The following MYLK variants were observed in gnomAD, a reference collection of about 807,000 sequenced individuals.
MYLK encodes myosin light chain kinase, smooth muscle.
A neutral mutation model predicts 203.4 loss-of-function variants in MYLK; 106 were observed. That is an observed-to-expected ratio of 0.52 (90% confidence interval 0.45 to 0.61). The LOEUF is 0.61. MYLK is among the 20% of genes least tolerant of loss of function. The pLI is 0.00. For synonymous variants in MYLK, 867 were observed against 959.5 expected (o/e 0.90, Z 1.78); for missense variants, 2,072 against 2,442.3 (o/e 0.85, Z 3.20).
At chr3:123,650,964 A>C (rs577210193) in intron 24 of MYLK, among the ~76,000 whole-genome samples, 1 of 152,266 alleles carries the variant, frequency 6.6e-6, no homozygotes, top group African/African-American at 2.4e-5. Flanking sequence ...ATGGGCCCCA[A>C]ACAGGGGTGA....
At chr3:123,658,667 C>G (rs1381941596) in intron 23 of MYLK, among the ~76,000 whole-genome samples, 1 of 152,178 alleles carries the variant, frequency 6.6e-6, no homozygotes, top group Non-Finnish European at 1.5e-5. Context: ...GTTCCTACCT[C>G]TTAGGGTTTT....
chr3:123,649,039 G>A lies in MYLK; in HGVS notation c.4347C>T (p.Tyr1449=). ...DDDEKEPEVD[Y]RTVTINTEQK... ...GTTCAGTATTGATTGTCACTGTCCG[G>A]TAATCAACCTCGGGCTCCTTCTCAT... Residue 1449 remains tyrosine, a synonymous_variant, in exon 26 of 34, where the codon TAC becomes TAT. Transcript: ENST00000360304. The A allele has an allele frequency of 1.2e-6, 2 of 1,614,186 alleles. No individual in the cohort carries two copies. Among genetic ancestry groups the A allele is most frequent in the Non-Finnish European group, 1.7e-6 (2 of 1,180,020 alleles).
intron 4 of MYLK, among the ~76,000 whole-genome samples, chr3:123,787,326 G>T (rs1430480413): frequency 6.6e-6 from 1 of 152,184 alleles, no homozygotes; most frequent in African/African-American, 2.4e-5. Context: ...AGGTGCACAG[G>T]GGTGTGGCTG....
intron 2 of MYLK, among the ~76,000 whole-genome samples, chr3:123,868,870 C>G (rs1162912916): frequency 4.6e-5 from 7 of 152,292 alleles, no homozygotes; most frequent in African/African-American, 1.7e-4. Flanking sequence ...CGTTGAATAG[C>G]TGAAATTTTG....
chr3:123,683,252 A>C (rs1490252688), intron 19 of MYLK, among the ~76,000 whole-genome samples: 1 of 118,376 alleles, frequency 8.4e-6, no homozygotes, highest in Non-Finnish European at 1.6e-5. Context: ...CTCCCTGGGC[A>C]TCCTTTTCCT....
chr3:123,831,292 G>T, intron 3 of MYLK: 1 of 1,090,710 alleles, frequency 9.2e-7, no homozygotes, highest in Non-Finnish European at 1.2e-6. Context: ...TTGTTTCCTG[G>T]CTAGTTCCAA....
chr3:123,759,560 C>T (rs937863602), intron 4 of MYLK, among the ~76,000 whole-genome samples: 7 of 152,220 alleles, frequency 4.6e-5, no homozygotes, highest in Non-Finnish European at 1.0e-4. Flanking sequence ...GGAGGAAGTG[C>T]CTCCTCCCTT....
intron 2 of MYLK, among the ~76,000 whole-genome samples, chr3:123,841,789 G>A (rs1355553811): frequency 6.6e-6 from 1 of 152,168 alleles, no homozygotes; most frequent in Non-Finnish European, 1.5e-5. Flanking sequence ...GGTTTAGAGA[G>A]TCTGAGAGTG....
intron 1 of MYLK, among the ~76,000 whole-genome samples, chr3:123,883,213 C>G (rs186746856): frequency 6.6e-6 from 1 of 151,992 alleles, no homozygotes; most frequent in Non-Finnish European, 1.5e-5. Flanking sequence ...GTGGGGTGGG[C>G]GGGTCATTGC....
chr3:123,683,219 G>C (rs1445849259), intron 19 of MYLK, among the ~76,000 whole-genome samples: 1 of 149,548 alleles, frequency 6.7e-6, no homozygotes, highest in African/African-American at 2.4e-5. Context: ...ACGGCGCTGA[G>C]AGAGTCTCCC....
chr3:123,721,751 G>A (rs1430324989), intron 13 of MYLK, among the ~76,000 whole-genome samples: 1 of 150,688 alleles, frequency 6.6e-6, no homozygotes, highest in Non-Finnish European at 1.5e-5. Flanking sequence ...CTTCTGACCA[G>A]ACCTGGAGCT....
intron 16 of MYLK, among the ~76,000 whole-genome samples, chr3:123,703,904 T>C (rs1374621424): frequency 6.6e-6 from 1 of 152,236 alleles, no homozygotes; most frequent in African/African-American, 2.4e-5. Flanking sequence ...GAGCAGACAC[T>C]GCCCAGATGG....
intron 29 of MYLK, among the ~76,000 whole-genome samples, chr3:123,635,220 A>C (rs931047424): frequency 6.6e-6 from 1 of 152,266 alleles, no homozygotes; most frequent in African/African-American, 2.4e-5. Context: ...AGAGAGGGAT[A>C]GAGTGGGCCA....
intron 5 of MYLK, among the ~76,000 whole-genome samples, chr3:123,743,500 T>G (rs1239349813): frequency 1.3e-5 from 2 of 152,146 alleles, no homozygotes; most frequent in East Asian, 3.9e-4. Flanking sequence ...CAAAATTAAT[T>G]TTGTAAAAGT....
chr3:123,666,119 G>A, intron 22 of MYLK, 100 bp downstream of exon 22: 4 of 1,585,490 alleles, frequency 2.5e-6, no homozygotes, highest in South Asian at 1.1e-5. Context: ...GCTACGAAGA[G>A]TGAGGCCATC....
chr3:123,870,615 A>G (rs1298524908), intron 2 of MYLK, among the ~76,000 whole-genome samples: 2 of 152,228 alleles, frequency 1.3e-5, no homozygotes, highest in South Asian at 2.1e-4. Flanking sequence ...AAATCAATCA[A>G]TGTAATTCAC....
intron 8 of MYLK, 96 bp from the exon 9 acceptor site, chr3:123,735,512 C>G: frequency 7.2e-7 from 1 of 1,382,218 alleles, no homozygotes; most frequent in Non-Finnish European, 1.0e-6. Context: ...GTGGTCCCAC[C>G]CTGCTGGCTC....
At chr3:123,744,482 A>G (rs1250219439) in intron 5 of MYLK, among the ~76,000 whole-genome samples, 1 of 152,254 alleles carries the variant, frequency 6.6e-6, no homozygotes, top group African/African-American at 2.4e-5. Flanking sequence ...TTAAAAGAAG[A>G]TAACATAGCA....
chr3:123,825,494 T>A (rs555157443), intron 3 of MYLK, among the ~76,000 whole-genome samples: 1 of 152,262 alleles, frequency 6.6e-6, no homozygotes, highest in East Asian at 1.9e-4. Context: ...AATCCCACAG[T>A]CCTTACAAGT....
Sources: gnomAD v4.1 joint callset for allele counts (sites outside exome capture counted in the v4.1 genomes callset) on GRCh38, gnomAD v4.1.1 for gene constraint, MANE v1.5 for transcripts, NCBI Gene and HGNC (gene_info 2026-07-23, HGNC 2026-07-21) for gene names.